The following SHISA9 variants were observed in gnomAD, a reference collection of about 807,000 sequenced individuals.
SHISA9 encodes shisa family member 9, also known as protein shisa-9.
A neutral mutation model predicts 38.0 loss-of-function variants in SHISA9; 13 were observed. The ratio of observed to expected loss-of-function variants is 0.34; its 90% CI spans 0.22 to 0.54. The LOEUF (loss-of-function observed/expected upper bound fraction) is 0.54. SHISA9 is among the 20% of genes least tolerant of loss of function. The probability of loss-of-function intolerance (pLI) is 0.91; values close to 1 mark genes in which losing one functional copy is unlikely to be tolerated. For missense variants in SHISA9, 538 were observed against 575.8 expected (o/e 0.93, Z 0.67); for synonymous variants, 275 against 242.0 (o/e 1.14, Z -1.27).
chr16:13,325,210 A>T, the SHISA9 span, among the ~76,000 whole-genome samples: 1 of 152,220 alleles, frequency 6.6e-6, no homozygotes, highest in Non-Finnish European at 1.5e-5. Context: ...CCATTTCAAA[A>T]TATATCAAAT....
the SHISA9 span, among the ~76,000 whole-genome samples, chr16:13,349,651 G>T: frequency 6.6e-6 from 1 of 152,184 alleles, no homozygotes; most frequent in Non-Finnish European, 1.5e-5. Context: ...ATTACTGAAA[G>T]CATGAAACAA....
the SHISA9 span, among the ~76,000 whole-genome samples, chr16:13,391,762 C>G: frequency 2.2e-4 from 34 of 152,026 alleles, no homozygotes; most frequent in African/African-American, 8.2e-4. Context: ...ACCCTGGGAG[C>G]CAAGCAACAA....
At chr16:12,999,440 A>G (rs759143701) in intron 2 of SHISA9, among the ~76,000 whole-genome samples, 1 of 152,220 alleles carries the variant, frequency 6.6e-6, no homozygotes, top group Non-Finnish European at 1.5e-5. Context: ...ACACATGAGT[A>G]TTGATTTAGG....
the SHISA9 span, among the ~76,000 whole-genome samples, chr16:13,287,157 A>C: frequency 6.6e-6 from 1 of 152,306 alleles, no homozygotes; most frequent in Non-Finnish European, 1.5e-5. Context: ...TAAGATTAAT[A>C]ACATGATCTA....
Position 13,235,556 on chromosome 16 carries a change from C to G in SHISA9, c.*147C>G, listed in dbSNP as rs1458890671. On this transcript the variant is annotated 3_prime_UTR_variant, in exon 5 of 5. Coordinates refer to ENST00000558583, the MANE Select transcript of SHISA9 (RefSeq NM_001145204.3). ...ACCAACTCTAAACCTACTGGGGACA[C>G]AGAGTCGCGCTTTTCCTAGGTCATG... 1.8e-5 allele frequency: 19 copies of G among 1,043,484 alleles called. No individual in the cohort carries two copies. Among genetic ancestry groups the G allele is most frequent in the South Asian group, 1.2e-4 (7 of 56,500 alleles). 64.6% of individuals were successfully genotyped at this position (1,043,484 alleles called of 1,614,324 possible).
the SHISA9 span, among the ~76,000 whole-genome samples, chr16:13,275,655 T>C: frequency 6.6e-6 from 1 of 152,058 alleles, no homozygotes; most frequent in Non-Finnish European, 1.5e-5. Flanking sequence ...AGCTTACCGT[T>C]AGTATGATTT....
At chr16:13,552,281 C>T in the SHISA9 span, among the ~76,000 whole-genome samples, 9 of 152,116 alleles carry the variant, frequency 5.9e-5, no homozygotes, top group Admixed American at 5.2e-4. Flanking sequence ...GGAGTCTCCC[C>T]GGTGGTTCCC....
At chr16:13,361,134 G>T in the SHISA9 span, among the ~76,000 whole-genome samples, 1 of 152,080 alleles carries the variant, frequency 6.6e-6, no homozygotes, top group Non-Finnish European at 1.5e-5. Flanking sequence ...CATACTCATG[G>T]ATGATTTAAT....
At chr16:13,427,907 A>G in the SHISA9 span, among the ~76,000 whole-genome samples, 2 of 152,366 alleles carry the variant, frequency 1.3e-5, no homozygotes, top group South Asian at 4.1e-4. Flanking sequence ...AGAGTTCTAC[A>G]GAGTGCTTGG....
At chr16:13,201,993 G>C (rs757733707) in intron 2 of SHISA9, among the ~76,000 whole-genome samples, 4 of 112,378 alleles carry the variant, frequency 3.6e-5, no homozygotes, top group Non-Finnish European at 7.5e-5. Context: ...CATGAAGCCA[G>C]AGGGAACCCA....
intron 2 of SHISA9, among the ~76,000 whole-genome samples, chr16:13,053,071 C>A (rs556394984): frequency 6.8e-6 from 1 of 147,188 alleles, no homozygotes; most frequent in South Asian, 2.2e-4. Context: ...TCAAGCAATT[C>A]TCATGTCCCA....
chr16:12,992,368 A>AAAG (rs973710677), intron 2 of SHISA9, among the ~76,000 whole-genome samples: 8 of 149,410 alleles, frequency 5.4e-5, no homozygotes, highest in African/African-American at 2.0e-4. Context: ...CTACTAAAAA[A>AAAG]AAAAAAAAAA....
the SHISA9 span, among the ~76,000 whole-genome samples, chr16:13,462,236 A>C: frequency 6.6e-6 from 1 of 151,578 alleles, no homozygotes. Flanking sequence ...TGAGACCCCT[A>C]CCTCTACCAA....
At chr16:13,025,820 G>C (rs979140763) in intron 2 of SHISA9, among the ~76,000 whole-genome samples, 1 of 151,036 alleles carries the variant, frequency 6.6e-6, no homozygotes, top group South Asian at 2.1e-4. Context: ...ATTTTTTTTG[G>C]GGGGGATGGA....
chr16:13,472,717 T>G, the SHISA9 span, among the ~76,000 whole-genome samples: 1 of 152,264 alleles, frequency 6.6e-6, no homozygotes, highest in East Asian at 1.9e-4. Flanking sequence ...AAATGATCTT[T>G]TCTCTTTTAA....
At chr16:13,516,414 G>T in the SHISA9 span, among the ~76,000 whole-genome samples, 1 of 152,170 alleles carries the variant, frequency 6.6e-6, no homozygotes, top group Non-Finnish European at 1.5e-5. Context: ...AAGGAAAGAA[G>T]TTGGAGATTC....
At chr16:13,308,213 CT>C in the SHISA9 span, among the ~76,000 whole-genome samples, 4 of 146,102 alleles carry the variant, frequency 2.7e-5, no homozygotes, top group African/African-American at 2.5e-5. Flanking sequence ...ATTGTAGGAG[CT>C]TTTTTTTTTT....
At chr16:12,908,564 C>T in intron 1 of SHISA9, 1 of 1,551,838 alleles carries the variant, frequency 6.4e-7, no homozygotes, top group Non-Finnish European at 8.7e-7. Flanking sequence ...TGTCGGACTT[C>T]AAACCTGGAC....
At chr16:13,143,356 C>T (rs189755599) in intron 2 of SHISA9, among the ~76,000 whole-genome samples, 8 of 152,206 alleles carry the variant, frequency 5.3e-5, no homozygotes, top group Admixed American at 2.0e-4. Flanking sequence ...AGCTTTTAGC[C>T]TAACACCACG....
Sources: allele counts gnomAD v4.1 joint callset (sites outside exome capture counted in the v4.1 genomes callset), GRCh38; gene constraint gnomAD v4.1.1; transcripts MANE v1.5; gene names NCBI Gene and HGNC (gene_info 2026-07-23, HGNC 2026-07-21).